Variants in SLC12A3 observed in about 807,000 individuals in gnomAD.
SLC12A3 encodes solute carrier family 12 member 3.
A neutral mutation model predicts 121.0 loss-of-function variants in SLC12A3; 104 were observed. The observed-to-expected ratio is 0.86, with a 90% CI of 0.73 to 1.01. The LOEUF (loss-of-function observed/expected upper bound fraction) is 1.01, where lower values mean the gene tolerates loss of function less well. Ranked by LOEUF, SLC12A3 falls within the 50% of genes least tolerant of loss-of-function variation. The pLI, the probability that SLC12A3 is intolerant of heterozygous loss-of-function variation, is 0.00. For synonymous variants in SLC12A3, 536 were observed against 533.4 expected (o/e 1.00, Z -0.07); for missense variants, 1,328 against 1,356.3 (o/e 0.98, Z 0.33).
chr16:56,868,285 C>G lies in SLC12A3; in HGVS notation c.430-12C>G, dbSNP rs759198908. 1.9e-6 allele frequency: 3 copies of G among 1,613,744 alleles called. No homozygotes were observed. In the South Asian group the frequency reaches 3.3e-5, roughly 18 times the overall value. On this transcript the variant is annotated splice_polypyrimidine_tract_variant and intron_variant, in intron 2 of 25. Coordinates refer to ENST00000563236, the MANE Select transcript of SLC12A3 (RefSeq NM_001126108.2). Reference sequence around the variant, plus strand: ...TCCACCCAGGTGGCCTCTGACCCCCCTGTCCTCCCAGATTCGTTGCATGCT... The same window carrying G: ...TCCACCCAGGTGGCCTCTGACCCCCGTGTCCTCCCAGATTCGTTGCATGCT...
chr16:56,881,959 G>T (rs541310597), intron 12 of SLC12A3, among the ~76,000 whole-genome samples: 4 of 151,288 alleles, frequency 2.6e-5, no homozygotes, highest in Non-Finnish European at 4.4e-5. Context: ...TGAGGCAGGA[G>T]AATCGCTTGA....
chr16:56,884,909 G>C (rs548728303), intron 14 of SLC12A3, among the ~76,000 whole-genome samples: 1 of 152,262 alleles, frequency 6.6e-6, no homozygotes, highest in East Asian at 1.9e-4. Flanking sequence ...TGGGATTACA[G>C]GTGCATGCTA....
chr16:56,906,879 G>T, intron 25 of SLC12A3: 2 of 585,588 alleles, frequency 3.4e-6, no homozygotes, highest in Non-Finnish European at 6.5e-6. Context: ...CAGAATGAAG[G>T]AAGTTAAGGG....
intron 19 of SLC12A3, 73 bp from the exon 20 acceptor site, chr16:56,892,009 GC>G: frequency 9.1e-7 from 1 of 1,093,838 alleles, no homozygotes; most frequent in Non-Finnish European, 1.4e-6. Context: ...CATTAAGGGA[GC>G]CCTGTCAAGG....
intron 25 of SLC12A3, among the ~76,000 whole-genome samples, chr16:56,911,689 T>C (rs1232335425): frequency 6.6e-6 from 1 of 151,974 alleles, no homozygotes; most frequent in Non-Finnish European, 1.5e-5. Flanking sequence ...AACTTCCAAG[T>C]GTGACATAGC....
intron 25 of SLC12A3, among the ~76,000 whole-genome samples, chr16:56,905,067 C>T (rs7189286): frequency 0.012 from 1,752 of 152,204 alleles, 40 homozygotes; most frequent in African/African-American, 0.04. Flanking sequence ...TGGCCGGGCA[C>T]GGTGGCTCAT....
intron 19 of SLC12A3, among the ~76,000 whole-genome samples, chr16:56,891,371 CAAAAAAAAAAA>C (rs35706137): frequency 1.4e-5 from 1 of 73,888 alleles, no homozygotes; most frequent in Admixed American, 1.8e-4. Flanking sequence ...GACCCTGTCT[CAAAAAAAAAAA>C]AAAAAAAAAA....
In SLC12A3 at chr16:56,886,544, G is replaced by C. The variant is rs2055314151; in HGVS notation, c.2037+69G>C. ...TCATGCCTGTAAACCCAGCACTCTG[G>C]GGAGCCAAGACAGGTGGATCACCCG... On this transcript the variant is annotated intron_variant, in intron 16 of 25. Transcript: ENST00000563236. The C allele has an allele frequency of 4.3e-6, 6 of 1,394,078 alleles. No homozygotes were observed. In the East Asian group the frequency reaches 1.1e-4, roughly 26 times the overall value. The allele number at this position is 1,394,078 out of a possible 1,614,324, so 86.4% of individuals were successfully genotyped here.
chr16:56,873,489 C>T (rs60803239), intron 8 of SLC12A3, among the ~76,000 whole-genome samples: 1,657 of 127,980 alleles, frequency 0.013, 29 homozygotes, highest in African/African-American at 0.045. Context: ...CGGGTTCAAG[C>T]GATTCTCCTG....
intron 2 of SLC12A3, among the ~76,000 whole-genome samples, chr16:56,867,951 C>T (rs1964398987): frequency 6.6e-6 from 1 of 152,216 alleles, no homozygotes; most frequent in Non-Finnish European, 1.5e-5. Context: ...CCTGTAAATG[C>T]CAGGCTCTGG....
At chr16:56,881,662 AG>A (rs2055242004) in intron 12 of SLC12A3, among the ~76,000 whole-genome samples, 1 of 152,092 alleles carries the variant, frequency 6.6e-6, no homozygotes, top group African/African-American at 2.4e-5. Flanking sequence ...ACAGGGAGAC[AG>A]GGAAGAGGAA....
chr16:56,889,600 A>G (rs905126942), intron 18 of SLC12A3, among the ~76,000 whole-genome samples: 4 of 152,086 alleles, frequency 2.6e-5, no homozygotes, highest in Non-Finnish European at 5.9e-5. Flanking sequence ...CAGTCTCCCA[A>G]GTAGCTGTGA....
Position 56,865,283 on chromosome 16 carries a change from C to A in SLC12A3, c.48C>A (p.Cys16Ter). The A allele has an allele frequency of 6.2e-7, 1 of 1,613,930 alleles. No homozygotes were observed. Among genetic ancestry groups the A allele is most frequent in the Non-Finnish European group, 8.5e-7 (1 of 1,180,042 alleles). Reference sequence around the variant, plus strand: ...AGACGCCTGGGGACGCCACTTTGTGCAGCGGGCGCTTCACCATCAGCACAC... The same window carrying A: ...AGACGCCTGGGGACGCCACTTTGTGAAGCGGGCGCTTCACCATCAGCACAC... ...TTETPGDATLCSGRFTISTLL... is the reference protein window; with the variant it reads ...TTETPGDATL Residue 16 changes from cysteine (C) to a stop codon, truncating the protein, a stop_gained, in exon 1 of 26, where the codon TGC becomes TGA. Transcript: ENST00000563236. LOFTEE classifies it high-confidence loss of function.
chr16:56,882,182 C>T (rs924280364), intron 12 of SLC12A3, among the ~76,000 whole-genome samples: 10 of 152,284 alleles, frequency 6.6e-5, no homozygotes, highest in Middle Eastern at 3.4e-3. Flanking sequence ...AAAAGCTGGG[C>T]GCTTACAGTT....
chr16:56,905,667 C>A (rs1289067374), intron 25 of SLC12A3, among the ~76,000 whole-genome samples: 15 of 152,162 alleles, frequency 9.9e-5, no homozygotes, highest in African/African-American at 3.6e-4. Flanking sequence ...ATGTGGGGCA[C>A]CTTGCTCAGA....
chr16:56,893,190 G>T (rs1208288629), intron 21 of SLC12A3, 136 bp downstream of exon 21: 1 of 692,072 alleles, frequency 1.4e-6, no homozygotes, highest in East Asian at 2.8e-5. Context: ...GGGGAGCCCA[G>T]AGGGACCCCT....
chr16:56,899,111 T>C (rs1278610449), intron 22 of SLC12A3, among the ~76,000 whole-genome samples: 1 of 152,262 alleles, frequency 6.6e-6, no homozygotes, highest in Non-Finnish European at 1.5e-5. Flanking sequence ...ATTCGTTTCC[T>C]GTCTGCCGCT....
At chr16:56,880,419 G>T (rs1416598084) in intron 12 of SLC12A3, among the ~76,000 whole-genome samples, 166 bp downstream of exon 12, 1 of 152,188 alleles carries the variant, frequency 6.6e-6, no homozygotes, top group Admixed American at 6.5e-5. Flanking sequence ...CACCTGGGAG[G>T]AGACATCGGG....
In SLC12A3 at chr16:56,867,051, G is replaced by T. The variant is rs1400048955; in HGVS notation, c.283-19G>T. The T allele has an allele frequency of 2.5e-6, 4 of 1,609,874 alleles. No individual in the cohort carries two copies. The highest frequency in any genetic ancestry group is 3.3e-5 in the Admixed American group (2 of 60,002). ...CCTAGCACCCCTACCTGCCTGACTT[G>T]TGGTCTCTGGGCTGCCAGCAGGAAG... On this transcript the variant is annotated intron_variant, in intron 1 of 25. Transcript: ENST00000563236.
Sources: gnomAD v4.1 joint callset for allele counts (sites outside exome capture counted in the v4.1 genomes callset) on GRCh38, gnomAD v4.1.1 for gene constraint, MANE v1.5 for transcripts, NCBI Gene and HGNC (gene_info 2026-07-23, HGNC 2026-07-21) for gene names.